Variants in FMO1 observed in about 807,000 individuals in gnomAD.
FMO1 encodes flavin-containing monooxygenase 1.
In FMO1, 36 loss-of-function variants were observed where a neutral mutation model predicts 45.4. The observed-to-expected ratio is 0.79, with a 90% CI of 0.61 to 1.05. The LOEUF is 1.05. Among genes scored for constraint, FMO1 ranks in the 50% least tolerant of loss-of-function variants. The probability of loss-of-function intolerance (pLI) is 0.00; values close to 1 mark genes in which losing one functional copy is unlikely to be tolerated. For synonymous variants in FMO1, 228 were observed against 227.2 expected (o/e 1.00, Z -0.03); for missense variants, 615 against 640.3 (o/e 0.96, Z 0.43).
chr1:171,258,008 T>C, intron 1 of FMO1, 74 bp from the exon 2 acceptor site: 1 of 1,569,878 alleles, frequency 6.4e-7, no homozygotes, highest in Admixed American at 1.7e-5. Flanking sequence ...AAATTCTTTT[T>C]CCTGGCTTGT....
At chr1:171,277,462 A>T (rs1443811374) in intron 4 of FMO1, among the ~76,000 whole-genome samples, 3 of 152,064 alleles carry the variant, frequency 2.0e-5, no homozygotes, top group Non-Finnish European at 4.4e-5. Context: ...TAGATAGGAC[A>T]TTCTGCTACT....
chr1:171,265,410 AG>A (rs200045837), intron 2 of FMO1, among the ~76,000 whole-genome samples: 2 of 150,512 alleles, frequency 1.3e-5, no homozygotes, highest in African/African-American at 5.0e-5. Flanking sequence ...AAAATAAAAA[AG>A]AAAAAGAAAA....
At position 171,256,272 on chromosome 1, in the gene FMO1, CAAA is replaced by C. The variant is rs34529047; in HGVS notation, c.-6-1790_-6-1788del. Among the ~76,000 whole-genome samples the C allele has an allele frequency of 5.6e-3, 435 of 78,258 alleles. 2 individuals are homozygous for C. The highest frequency in any genetic ancestry group is 0.018 in the African/African-American group (338 of 19,254). The allele number at this position is 78,258 out of a possible 152,430, so 51.3% of individuals were successfully genotyped here. On this transcript the variant is annotated intron_variant, in intron 1 of 8. Transcript: ENST00000617670. The stretch of plus-strand genomic sequence containing the variant: ...TGGGCAACAGTGCAAGACTCCATCT[CAAA>C]AAAAAAAAAAAAAAAAAAAGAGTAG...
intron 2 of FMO1, among the ~76,000 whole-genome samples, chr1:171,263,322 G>C (rs182541399): frequency 5.3e-5 from 8 of 152,318 alleles, no homozygotes; most frequent in Admixed American, 5.2e-4. Context: ...CCAGCATATA[G>C]ATATGGAAAC....
chr1:171,265,748 C>A (rs1201326666), intron 2 of FMO1, among the ~76,000 whole-genome samples: 1 of 152,152 alleles, frequency 6.6e-6, no homozygotes, highest in African/African-American at 2.4e-5. Context: ...TTTAATATGA[C>A]AATTAATCTT....
intron 4 of FMO1, 47 bp downstream of exon 4, chr1:171,275,555 TTCTG>T: frequency 5.0e-6 from 7 of 1,389,576 alleles, no homozygotes; most frequent in Non-Finnish European, 7.1e-6. Flanking sequence ...GTGGGAGCCA[TTCTG>T]ATGCTTGATT....
intron 7 of FMO1, 78 bp from the exon 8 acceptor site, chr1:171,283,066 G>A (rs1661430819): frequency 3.8e-6 from 3 of 784,954 alleles, no homozygotes; most frequent in Non-Finnish European, 6.6e-6. Context: ...GAGAGCCATA[G>A]TAAAGCATCT....
intron 2 of FMO1, 106 bp downstream of exon 2, chr1:171,258,325 T>C (rs12142492): frequency 0.013 from 17,437 of 1,346,850 alleles, 162 homozygotes; most frequent in African/African-American, 0.025. Context: ...TGAGGAAGGT[T>C]AGAAATGTCT....
At chr1:171,270,485 G>A (rs1660803591) in intron 3 of FMO1, 26 of 763,224 alleles carry the variant, frequency 3.4e-5, no homozygotes, top group Non-Finnish European at 4.0e-5. Flanking sequence ...CCTATGAAAA[G>A]GACAACAATA....
intron 5 of FMO1, among the ~76,000 whole-genome samples, chr1:171,279,489 A>G (rs1311304320): frequency 6.6e-6 from 1 of 152,148 alleles, no homozygotes; most frequent in East Asian, 1.9e-4. Context: ...TCTTACCACT[A>G]GCATGTGGCA....
chr1:171,252,476 G>A (rs184578744), intron 1 of FMO1, among the ~76,000 whole-genome samples: 281 of 152,206 alleles, frequency 1.8e-3, no homozygotes, highest in African/African-American at 6.6e-3. Flanking sequence ...TTTCCCTAGG[G>A]CCAAAATTTA....
At chr1:171,259,853 ACCCT>A (rs1660306722) in intron 2 of FMO1, among the ~76,000 whole-genome samples, 1 of 152,166 alleles carries the variant, frequency 6.6e-6, no homozygotes, top group African/African-American at 2.4e-5. Context: ...AAAGCACAAA[ACCCT>A]GTGGGGGACA....
At chr1:171,278,001 T>C (rs1450642910) in intron 4 of FMO1, among the ~76,000 whole-genome samples, 3 of 152,174 alleles carry the variant, frequency 2.0e-5, no homozygotes, top group African/African-American at 7.2e-5. Flanking sequence ...TTATTGCTGT[T>C]AAAAAAGAAA....
At chr1:171,258,247 G>A (rs764892430) in intron 2 of FMO1, 28 bp downstream of exon 2, 1 of 1,607,412 alleles carries the variant, frequency 6.2e-7, no homozygotes, top group Non-Finnish European at 8.5e-7. Context: ...AACTTTATCT[G>A]TCTATTGGAG....
intron 3 of FMO1, 70 bp from the exon 4 acceptor site, chr1:171,275,276 G>C: frequency 8.3e-7 from 1 of 1,206,320 alleles, no homozygotes; most frequent in Non-Finnish European, 1.2e-6. Context: ...AAATATCAAT[G>C]GTACATCAAC....
chr1:171,281,770 C>T (rs1374579244), intron 6 of FMO1, among the ~76,000 whole-genome samples: 2 of 152,152 alleles, frequency 1.3e-5, no homozygotes, highest in Non-Finnish European at 2.9e-5. Flanking sequence ...CTTCAGGCTT[C>T]CAAACTCTAG....
intron 3 of FMO1, among the ~76,000 whole-genome samples, chr1:171,274,816 C>A (rs1381847802): frequency 6.6e-6 from 1 of 152,162 alleles, no homozygotes; most frequent in Non-Finnish European, 1.5e-5. Flanking sequence ...AAAATAGATT[C>A]TTTGAAATGT....
intron 3 of FMO1, among the ~76,000 whole-genome samples, chr1:171,271,964 CA>C (rs28741368): frequency 0.015 from 2,225 of 152,300 alleles, 65 homozygotes; most frequent in African/African-American, 0.051. Flanking sequence ...TGTTAATTCC[CA>C]AAACAATGGG....
intron 8 of FMO1, 21 bp from the exon 9 acceptor site, chr1:171,285,181 C>T: frequency 3.4e-6 from 5 of 1,487,306 alleles, no homozygotes; most frequent in South Asian, 1.3e-5. Context: ...CACCTTTTCC[C>T]CCAATCTTCC....
Sources: gnomAD v4.1 joint callset for allele counts (sites outside exome capture counted in the v4.1 genomes callset) on GRCh38, gnomAD v4.1.1 for gene constraint, MANE v1.5 for transcripts, NCBI Gene and HGNC (gene_info 2026-07-23, HGNC 2026-07-21) for gene names.